The following USP3 variants were observed in gnomAD, a reference collection of about 807,000 sequenced individuals.
The protein encoded by USP3 is ubiquitin carboxyl-terminal hydrolase 3.
In USP3, 20 loss-of-function variants were observed where a neutral mutation model predicts 72.3. That is an observed-to-expected ratio of 0.28 (90% CI 0.19 to 0.40). The LOEUF (loss-of-function observed/expected upper bound fraction) is 0.40. Among genes scored for constraint, USP3 ranks in the 10% least tolerant of loss-of-function variants. The pLI, the probability that USP3 is intolerant of heterozygous loss-of-function variation, is 1.00. For missense variants in USP3, 479 were observed against 633.9 expected, an observed-to-expected ratio of 0.76 and a Z score of 2.62; for synonymous variants, 222 against 225.3, an observed-to-expected ratio of 0.99 and a Z score of 0.13.
chr15:63,580,955 C>G (rs1244031702), intron 11 of USP3, among the ~76,000 whole-genome samples: 2 of 151,792 alleles, frequency 1.3e-5, no homozygotes, highest in Admixed American at 1.3e-4. Context: ...ATTGCAGGCA[C>G]GAGCCACCAT....
At chr15:63,542,226 T>C (rs1274465203) in intron 3 of USP3, 6 of 981,372 alleles carry the variant, frequency 6.1e-6, no homozygotes, top group African/African-American at 1.7e-5. Context: ...GTATGACATA[T>C]ATGTTATTCA....
intron 4 of USP3, among the ~76,000 whole-genome samples, chr15:63,555,465 C>A (rs938817492): frequency 6.6e-6 from 1 of 151,766 alleles, no homozygotes; most frequent in Admixed American, 6.6e-5. Flanking sequence ...TTTTAAACTT[C>A]AAGTTTAATT....
At chr15:63,546,693 G>A (rs1433530167) in intron 3 of USP3, among the ~76,000 whole-genome samples, 1 of 152,052 alleles carries the variant, frequency 6.6e-6, no homozygotes, top group African/African-American at 2.4e-5. Context: ...TCCACCTCCC[G>A]GGTTCACGCC....
Position 63,529,082 on chromosome 15 carries a change from C to T in USP3, c.92-3565C>T. On this transcript the variant is annotated intron_variant, in intron 1 of 14. Coordinates refer to ENST00000380324, the MANE Select transcript of USP3 (RefSeq NM_006537.4). This position sits in a 1 kb window ranked among gnomAD's most constrained non-coding sequence, Gnocchi z 4.2. The stretch of plus-strand genomic sequence containing the variant: ...AGTACTGTATGTTGCCCAGGCTGGC[C>T]TCGAACTCTAGGCTCAAGTGATTCT... The T allele has an allele frequency of 1.6e-6, 2 of 1,284,710 alleles. No homozygotes were observed. Among genetic ancestry groups the T allele is most frequent in the African/African-American group, 1.5e-5 (1 of 65,808 alleles). 79.6% of individuals were successfully genotyped at this position (1,284,710 alleles called of 1,614,324 possible). A position where few individuals can be genotyped will look rare whatever the true frequency, so the allele number is the denominator to read the frequency against.
intron 4 of USP3, among the ~76,000 whole-genome samples, chr15:63,554,523 C>A (rs2066480514): frequency 6.6e-6 from 1 of 152,210 alleles, no homozygotes; most frequent in African/African-American, 2.4e-5. Flanking sequence ...CAAGTGAAAT[C>A]TCTGTACATC....
intron 1 of USP3, among the ~76,000 whole-genome samples, chr15:63,515,867 G>C (rs1433159103): frequency 6.6e-6 from 1 of 152,168 alleles, no homozygotes; most frequent in Admixed American, 6.5e-5. Context: ...CAGTCCTGCT[G>C]TCCACAGACA....
At chr15:63,531,997 T>C (rs573964408) in intron 1 of USP3, among the ~76,000 whole-genome samples, 5 of 152,322 alleles carry the variant, frequency 3.3e-5, no homozygotes, top group Admixed American at 1.3e-4. Flanking sequence ...ATAGGACTTA[T>C]TAAAAAATGA....
intron 2 of USP3, among the ~76,000 whole-genome samples, chr15:63,536,436 G>C (rs1192591034): frequency 7.0e-6 from 1 of 142,090 alleles, no homozygotes; most frequent in Non-Finnish European, 1.6e-5. Context: ...GCCCAAGTTG[G>C]GGGTTAGTGG....
chr15:63,577,730 G>C (rs959172463), intron 11 of USP3, among the ~76,000 whole-genome samples: 1 of 151,856 alleles, frequency 6.6e-6, no homozygotes, highest in Non-Finnish European at 1.5e-5. Flanking sequence ...CCAGCCTGGT[G>C]ACAGAGCGAG....
At chr15:63,508,542 G>A (rs952699696) in intron 1 of USP3, among the ~76,000 whole-genome samples, 1 of 152,148 alleles carries the variant, frequency 6.6e-6, no homozygotes, top group Non-Finnish European at 1.5e-5. Flanking sequence ...TTGCTTAAGG[G>A]ATTCTAGTTT....
intron 9 of USP3, among the ~76,000 whole-genome samples, chr15:63,573,104 A>G (rs1197602404): frequency 6.6e-6 from 1 of 152,206 alleles, no homozygotes; most frequent in African/African-American, 2.4e-5. Context: ...CCATACTCTG[A>G]CACACAGTGG....
At position 63,591,035 on chromosome 15, in the gene USP3, C is replaced by T. The variant is rs1281518401; in HGVS notation, c.*209C>T. 5.9e-6 allele frequency: 3 copies of T among 512,548 alleles called. No individual in the cohort carries two copies. The highest frequency in any genetic ancestry group is 6.4e-6 in the Non-Finnish European group (2 of 312,836). 31.8% of individuals were successfully genotyped at this position (512,548 alleles called of 1,614,324 possible). ...AAACCTCAGCAGATGTTTTGATTTG[C>T]TGCTTTAGTTGTAATAATTCAATTT... On this transcript the variant is annotated 3_prime_UTR_variant, in exon 15 of 15. Coordinates refer to ENST00000380324, the MANE Select transcript of USP3 (RefSeq NM_006537.4).
At chr15:63,587,845 A>G (rs1350747643) in intron 11 of USP3, 2 of 152,524 alleles carry the variant, frequency 1.3e-5, no homozygotes, top group Middle Eastern at 3.4e-3. Context: ...CTAGGAACTG[A>G]GAGTACAGCG....
chr15:63,509,553 G>T (rs1306220498), intron 1 of USP3, among the ~76,000 whole-genome samples: 2 of 152,074 alleles, frequency 1.3e-5, no homozygotes, highest in Non-Finnish European at 2.9e-5. Flanking sequence ...TGTGGATGGG[G>T]TAGTTAAAAA....
rs184989428 is a variant in USP3 at position 63,559,840 on chromosome 15, C to T, written c.534-17C>T. Reference sequence around the variant, plus strand: ...TTCTTTTCTTTTTAAAATATTTTTCCCTTCCTTTTAAAATAGTAACATTGA... The same window carrying T: ...TTCTTTTCTTTTTAAAATATTTTTCTCTTCCTTTTAAAATAGTAACATTGA... On this transcript the variant is annotated splice_polypyrimidine_tract_variant and intron_variant, in intron 6 of 14. Coordinates refer to ENST00000380324, the MANE Select transcript of USP3 (RefSeq NM_006537.4). The T allele has an allele frequency of 3.8e-4, 611 of 1,594,280 alleles. No homozygotes were observed. In the African/African-American group the frequency reaches 7.4e-3, roughly 19 times the overall value.
At chr15:63,560,489 T>A (rs534623926) in intron 7 of USP3, among the ~76,000 whole-genome samples, 1 of 152,110 alleles carries the variant, frequency 6.6e-6, no homozygotes, top group Non-Finnish European at 1.5e-5. Context: ...ATTCTACTTA[T>A]TGACTCTGCA....
chr15:63,520,206 C>G (rs72750934), intron 1 of USP3, among the ~76,000 whole-genome samples: 1 of 152,170 alleles, frequency 6.6e-6, no homozygotes, highest in Non-Finnish European at 1.5e-5. Context: ...TGATTTTATA[C>G]TGATACCTAC....
chr15:63,591,057 A>G lies in USP3; in HGVS notation c.*231A>G, dbSNP rs2067189636. On this transcript the variant is annotated 3_prime_UTR_variant, in exon 15 of 15. Transcript: ENST00000380324. ...TTGCTGCTTTAGTTGTAATAATTCA[A>G]TTTTTATAGGTAGTTGTAAGAACTT... The G allele has an allele frequency of 6.9e-6, 3 of 436,174 alleles. No individual in the cohort carries two copies. The highest frequency in any genetic ancestry group is 8.0e-5 in the East Asian group (2 of 25,080). 27.0% of individuals were successfully genotyped at this position (436,174 alleles called of 1,614,324 possible). A position where few individuals can be genotyped will look rare whatever the true frequency, so the allele number is the denominator to read the frequency against.
intron 1 of USP3, among the ~76,000 whole-genome samples, chr15:63,525,879 T>G (rs1044726167): frequency 6.6e-6 from 1 of 152,208 alleles, no homozygotes; most frequent in Admixed American, 6.5e-5. Flanking sequence ...ATTGATACTT[T>G]CACGATGTAT....
Sources: gnomAD v4.1 joint callset for allele counts (sites outside exome capture counted in the v4.1 genomes callset) on GRCh38, gnomAD v4.1.1 for gene constraint, Gnocchi (gnomAD v3.1) non-coding constraint, MANE v1.5 for transcripts, NCBI Gene and HGNC (gene_info 2026-07-23, HGNC 2026-07-21) for gene names.